Variants in DAPK1 observed in about 807,000 individuals in gnomAD.
DAPK1 encodes death-associated protein kinase 1.
In DAPK1, 56 loss-of-function variants were observed where a neutral mutation model predicts 144.9. That is an observed-to-expected ratio of 0.39 (90% CI 0.31 to 0.48). The LOEUF is 0.48. Among genes scored for constraint, DAPK1 ranks in the 20% least tolerant of loss-of-function variants. The pLI, the probability that DAPK1 is intolerant of heterozygous loss-of-function variation, is 0.95. For synonymous variants in DAPK1, 690 were observed against 749.0 expected, an observed-to-expected ratio of 0.92 and a Z score of 1.29; for missense variants, 1,454 against 1,875.4, an observed-to-expected ratio of 0.78 and a Z score of 4.15.
intron 24 of DAPK1, among the ~76,000 whole-genome samples, chr9:87,702,814 A>T (rs901956669): frequency 2.0e-5 from 3 of 151,858 alleles, no homozygotes; most frequent in Admixed American, 6.6e-5. Flanking sequence ...CTGAGACAAG[A>T]GGATTACTTG....
At chr9:87,593,270 TC>T (rs1361146430) in intron 2 of DAPK1, among the ~76,000 whole-genome samples, 1 of 152,236 alleles carries the variant, frequency 6.6e-6, no homozygotes, top group East Asian at 1.9e-4. Context: ...TGCAAACTCT[TC>T]GTCAGTTCAG....
chr9:87,678,545 A>G (rs907830243), intron 19 of DAPK1, among the ~76,000 whole-genome samples: 3 of 152,252 alleles, frequency 2.0e-5, no homozygotes, highest in Non-Finnish European at 2.9e-5. Flanking sequence ...AAAGGAAAAA[A>G]GCAAAGTGTA....
At chr9:87,647,778 C>G (rs372500003) in intron 14 of DAPK1, among the ~76,000 whole-genome samples, 5 of 152,222 alleles carry the variant, frequency 3.3e-5, no homozygotes, top group African/African-American at 1.2e-4. Context: ...AAGTGGCTGA[C>G]AGTGCTGACC....
chr9:87,515,709 C>G (rs1010351569), intron 2 of DAPK1, among the ~76,000 whole-genome samples: 7 of 152,152 alleles, frequency 4.6e-5, no homozygotes, highest in Non-Finnish European at 1.0e-4. Flanking sequence ...GGAAATTGAG[C>G]TGATAGCCTC....
chr9:87,641,441 C>T (rs1830089263), intron 9 of DAPK1, among the ~76,000 whole-genome samples: 1 of 152,154 alleles, frequency 6.6e-6, no homozygotes, highest in South Asian at 2.1e-4. Context: ...CAGAATCAGG[C>T]TCTGGGGGCA....
At chr9:87,627,263 G>A (rs1374704582) in intron 3 of DAPK1, among the ~76,000 whole-genome samples, 2 of 152,156 alleles carry the variant, frequency 1.3e-5, no homozygotes, top group Non-Finnish European at 2.9e-5. Context: ...CTGGCCTCAG[G>A]TCCCCTTGAC....
At chr9:87,497,410 T>C (rs1419888233), upstream of DAPK1, 1 of 152,266 alleles carries the variant, frequency 6.6e-6, no homozygotes, top group African/African-American at 2.4e-5. Flanking sequence ...TTATTATCTA[T>C]CTGTCCCACC....
Position 87,605,304 on chromosome 9 carries a change from G to C in DAPK1, c.284+129G>C, listed in dbSNP as rs943308840. 5.4e-6 allele frequency: 4 copies of C among 739,580 alleles called. No homozygotes were observed. In the African/African-American group the frequency reaches 7.0e-5, roughly 13 times the overall value. 45.8% of individuals were successfully genotyped at this position (739,580 alleles called of 1,614,324 possible). ...GAATTGGTTCTGCTGTATGAGGTGTGTGAGAACAATGCCGTGCTGCCTGAC... is the reference window on the plus strand; with the variant it reads ...GAATTGGTTCTGCTGTATGAGGTGTCTGAGAACAATGCCGTGCTGCCTGAC... On this transcript the variant is annotated intron_variant, in intron 3 of 25. Coordinates refer to ENST00000408954, the MANE Select transcript of DAPK1 (RefSeq NM_004938.4).
intron 21 of DAPK1, among the ~76,000 whole-genome samples, chr9:87,693,838 C>G (rs1325977648): frequency 6.6e-6 from 1 of 151,936 alleles, no homozygotes; most frequent in Non-Finnish European, 1.5e-5. Flanking sequence ...GTAAGCAGCT[C>G]CAGTGGTGCC....
At position 87,560,865 on chromosome 9, in the gene DAPK1, C is replaced by T. The variant is rs187577610; in HGVS notation, c.63-44089C>T. ...ATTTTTAGTAGAGACGGAGTTTCAC[C>T]GTGTTGGCCAGGCTGGTCTTGAACT... On this transcript the variant is annotated intron_variant, in intron 2 of 25. Coordinates refer to ENST00000408954, the MANE Select transcript of DAPK1 (RefSeq NM_004938.4). 4.6e-5 allele frequency among the ~76,000 whole-genome samples: 7 copies of T among 152,060 alleles called. No homozygotes were observed. In the East Asian group the frequency reaches 7.8e-4, roughly 17 times the overall value.
rs1824844341 is a variant in DAPK1, at chr9:87,686,241, C to T, written c.2225-310C>T. ...TGCCCTCCCACCCTCTCCACAGCCT[C>T]CCGTTGGCTGACCCTAAGCAGAAAT... On this transcript the variant is annotated intron_variant, in intron 20 of 25. Transcript: ENST00000408954. This position sits in a 1 kb window ranked among gnomAD's most constrained non-coding sequence, Gnocchi z 4.2. 3.3e-5 allele frequency among the ~76,000 whole-genome samples: 5 copies of T among 152,302 alleles called. 1 individual carries two copies. The East Asian group carries it at 9.7e-4, about 29-fold the overall frequency.
At chr9:87,609,778 T>G (rs992950632) in intron 3 of DAPK1, among the ~76,000 whole-genome samples, 1 of 152,230 alleles carries the variant, frequency 6.6e-6, no homozygotes, top group Admixed American at 6.5e-5. Flanking sequence ...TGTCTGAATC[T>G]TCTGGTTCAG....
intron 2 of DAPK1, among the ~76,000 whole-genome samples, chr9:87,538,083 C>T (rs1422240389): frequency 1.3e-5 from 2 of 152,140 alleles, no homozygotes; most frequent in Non-Finnish European, 2.9e-5. Context: ...GTTAAAGCTA[C>T]AATCTCAATG....
chr9:87,584,686 G>GTGTGTGTGTGTA (rs1339940491), intron 2 of DAPK1, among the ~76,000 whole-genome samples: 1 of 151,838 alleles, frequency 6.6e-6, no homozygotes, highest in African/African-American at 2.4e-5. Flanking sequence ...GTGTGTGTGT[G>GTGTGTGTGTGTA]TGTGTTTGAG....
intron 8 of DAPK1, 137 bp from the exon 9 acceptor site, chr9:87,640,665 C>T (rs1438132098): frequency 5.7e-6 from 6 of 1,057,886 alleles, no homozygotes; most frequent in African/African-American, 1.6e-5. Context: ...CACAAAAAGA[C>T]CGATGTTGTT....
chr9:87,518,115 T>TG (rs1563970403), intron 2 of DAPK1, among the ~76,000 whole-genome samples: 82 of 139,904 alleles, frequency 5.9e-4, no homozygotes, highest in African/African-American at 2.2e-3. Flanking sequence ...GTTTTTTTTT[T>TG]TTTTTTTTTT....
intron 2 of DAPK1, among the ~76,000 whole-genome samples, chr9:87,512,002 A>G (rs1211008838): frequency 6.6e-6 from 1 of 151,922 alleles, no homozygotes; most frequent in Non-Finnish European, 1.5e-5. Flanking sequence ...GTGAGCCACC[A>G]CGCCCGGCCT....
At chr9:87,620,344 C>A (rs1829247077) in intron 3 of DAPK1, among the ~76,000 whole-genome samples, 1 of 152,214 alleles carries the variant, frequency 6.6e-6, no homozygotes, top group Non-Finnish European at 1.5e-5. Flanking sequence ...CTCCTCAAAC[C>A]CTTCTTCCCC....
intron 2 of DAPK1, among the ~76,000 whole-genome samples, chr9:87,597,151 C>T (rs1828346374): frequency 6.6e-6 from 1 of 152,184 alleles, no homozygotes; most frequent in Non-Finnish European, 1.5e-5. Flanking sequence ...TCACTTCTGC[C>T]ACATTCTGTG....
Sources: gnomAD v4.1 joint callset for allele counts (sites outside exome capture counted in the v4.1 genomes callset) on GRCh38, gnomAD v4.1.1 for gene constraint, Gnocchi (gnomAD v3.1) non-coding constraint, MANE v1.5 for transcripts, NCBI Gene and HGNC (gene_info 2026-07-23, HGNC 2026-07-21) for gene names.